Variants in SMCHD1 observed in about 807,000 individuals in gnomAD.
SMCHD1 encodes structural maintenance of chromosomes flexible hinge domain containing 1, also known as structural maintenance of chromosomes flexible hinge domain-containing protein 1.
SMCHD1 carries 78 observed loss-of-function variants against 254.7 expected under a neutral mutation model. That is an observed-to-expected ratio of 0.31 (90% CI 0.26 to 0.37). SMCHD1 has a LOEUF of 0.37. Ranked by LOEUF, SMCHD1 falls within the 10% of genes least tolerant of loss-of-function variation. SMCHD1 has a pLI of 1.00. For synonymous variants in SMCHD1, 766 were observed against 794.9 expected (o/e 0.96, Z 0.61); for missense variants, 1,840 against 2,408.1 (o/e 0.76, Z 4.94).
chr18:2,769,757 C>T lies in SMCHD1; in HGVS notation c.4783C>T (p.Pro1595Ser), dbSNP rs369179110. ...TACTGAATATTTTATTGTATTTGAG[C>T]CCCGGCTACCACTTTTATCAAGAAC... Reference protein sequence around the residue: ...DSTEYFIVFEPRLPLLSRTLE... With the variant: ...DSTEYFIVFESRLPLLSRTLE... Residue 1595 changes from proline to serine, a missense_variant, in exon 38 of 48, where the codon CCC becomes TCC. By Grantham distance (74) the Pro-to-Ser change is moderately conservative. Coordinates refer to ENST00000320876, the MANE Select transcript of SMCHD1 (RefSeq NM_015295.3). 6.2e-7 allele frequency: 1 copy of T among 1,603,014 alleles called. No homozygotes were observed. Among genetic ancestry groups the T allele is most frequent in the Non-Finnish European group, 8.5e-7 (1 of 1,173,662 alleles).
chr18:2,770,691 A>AG (rs1475325226), intron 39 of SMCHD1, among the ~76,000 whole-genome samples: 1 of 151,756 alleles, frequency 6.6e-6, no homozygotes, highest in Non-Finnish European at 1.5e-5. Flanking sequence ...GCACGATCTC[A>AG]CTCACTGCAC....
intron 1 of SMCHD1, among the ~76,000 whole-genome samples, chr18:2,662,411 C>T (rs995970304): frequency 1.3e-5 from 2 of 151,382 alleles, no homozygotes; most frequent in African/African-American, 4.8e-5. Flanking sequence ...TTTGGGAGGC[C>T]AAGGCAGGGA....
chr18:2,674,003 T>A lies in SMCHD1; in HGVS notation c.508-12T>A. On this transcript the variant is annotated splice_polypyrimidine_tract_variant and intron_variant, in intron 4 of 47. Coordinates refer to ENST00000320876, the MANE Select transcript of SMCHD1 (RefSeq NM_015295.3). ...ACTTTTCCTGTCTTTTTGAACTTAT[T>A]TTGTTTCATAGCTTTTTGATGAAAC... The A allele has an allele frequency of 6.4e-7, 1 of 1,565,970 alleles. No individual in the cohort carries two copies. The highest frequency in any genetic ancestry group is 8.6e-7 in the Non-Finnish European group (1 of 1,157,448).
intron 25 of SMCHD1, among the ~76,000 whole-genome samples, chr18:2,735,489 G>A (rs2075231564): frequency 6.6e-6 from 1 of 152,184 alleles, no homozygotes; most frequent in Non-Finnish European, 1.5e-5. Context: ...AAGTCAAACT[G>A]TCTCATCATT....
At chr18:2,663,301 G>A (rs1194476928) in intron 1 of SMCHD1, among the ~76,000 whole-genome samples, 1 of 151,430 alleles carries the variant, frequency 6.6e-6, no homozygotes, top group African/African-American at 2.4e-5. Flanking sequence ...TTGTAGAGAT[G>A]GGGTTTTACC....
intron 34 of SMCHD1, among the ~76,000 whole-genome samples, chr18:2,755,819 G>A (rs745494865): frequency 1.9e-4 from 28 of 150,314 alleles, no homozygotes; most frequent in Admixed American, 4.0e-4. Context: ...CACCCGCCTT[G>A]GCCTCCCAAA....
intron 34 of SMCHD1, among the ~76,000 whole-genome samples, chr18:2,757,923 A>G (rs1364585512): frequency 6.6e-6 from 1 of 152,058 alleles, no homozygotes; most frequent in Non-Finnish European, 1.5e-5. Flanking sequence ...TTTTATTATT[A>G]TGAAGTATTC....
At chr18:2,670,669 G>A (rs1473597127) in intron 3 of SMCHD1, among the ~76,000 whole-genome samples, 4 of 152,010 alleles carry the variant, frequency 2.6e-5, no homozygotes, top group Non-Finnish European at 5.9e-5. Flanking sequence ...GGGAAGCCCC[G>A]GCGGGCAGAT....
intron 37 of SMCHD1, among the ~76,000 whole-genome samples, chr18:2,769,457 C>A (rs1350669837): frequency 1.3e-5 from 2 of 152,092 alleles, no homozygotes; most frequent in East Asian, 3.9e-4. Flanking sequence ...TTCACATAAG[C>A]TGTTTATTGA....
chr18:2,735,975 A>G (rs952292247), intron 25 of SMCHD1, among the ~76,000 whole-genome samples: 8 of 152,178 alleles, frequency 5.3e-5, no homozygotes, highest in African/African-American at 1.9e-4. Context: ...AAAATAACAA[A>G]ATGAGAGGCA....
At chr18:2,777,075 C>T (rs138096880) in intron 42 of SMCHD1, among the ~76,000 whole-genome samples, 2,664 of 144,282 alleles carry the variant, frequency 0.018, 41 homozygotes, top group Middle Eastern at 0.11. Flanking sequence ...CCCCCCCATA[C>T]CCTAATACTT....
At chr18:2,762,315 A>G (rs567417522) in intron 36 of SMCHD1, 79 bp downstream of exon 36, 40 of 1,395,692 alleles carry the variant, frequency 2.9e-5, no homozygotes, top group Admixed American at 2.3e-4. Context: ...AATTATTTGT[A>G]TGGATTCTGT....
Position 2,688,511 on chromosome 18 carries a change from A to G in SMCHD1, c.753+3A>G, listed in dbSNP as rs1244743273. 2.5e-6 allele frequency: 4 copies of G among 1,608,408 alleles called. No individual in the cohort carries two copies. Among genetic ancestry groups the G allele is most frequent in the East Asian group, 4.5e-5 (2 of 44,866 alleles). ...TCTTTGTTGGACAATCAGCCAGAGT[A>G]AGTAAAAAGATTTCTTATAAATGAA... On this transcript the variant is annotated splice_donor_region_variant and intron_variant, in intron 6 of 47. Transcript: ENST00000320876.
chr18:2,692,940 C>T (rs1364800493), intron 7 of SMCHD1, among the ~76,000 whole-genome samples: 5 of 152,124 alleles, frequency 3.3e-5, no homozygotes, highest in Non-Finnish European at 5.9e-5. Flanking sequence ...GAATTTGCAT[C>T]GTTAGTAAAT....
intron 44 of SMCHD1, among the ~76,000 whole-genome samples, chr18:2,784,195 T>A (rs1434887332): frequency 6.6e-6 from 1 of 152,218 alleles, no homozygotes; most frequent in Non-Finnish European, 1.5e-5. Flanking sequence ...CTTCCACTTA[T>A]CAATCCATCA....
chr18:2,727,463 A>T (rs1403325019), intron 22 of SMCHD1, among the ~76,000 whole-genome samples: 1 of 152,118 alleles, frequency 6.6e-6, no homozygotes, highest in Non-Finnish European at 1.5e-5. Flanking sequence ...ATCAACAAAC[A>T]TTCATTTATT....
chr18:2,698,881 GTC>G (rs2074340292), intron 10 of SMCHD1, among the ~76,000 whole-genome samples: 2 of 151,772 alleles, frequency 1.3e-5, no homozygotes, highest in African/African-American at 4.8e-5. Flanking sequence ...TAATGATACT[GTC>G]TTGTAGCTTT....
chr18:2,728,375 T>C, intron 22 of SMCHD1, 82 bp from the exon 23 acceptor site: 1 of 1,314,870 alleles, frequency 7.6e-7, no homozygotes, highest in Admixed American at 2.4e-5. Flanking sequence ...AAGTCTTTAA[T>C]GTTAAAGTTA....
Position 2,751,305 on chromosome 18 carries a change from A to T in SMCHD1, c.4193A>T (p.Asp1398Val). The T allele has an allele frequency of 6.4e-7, 1 of 1,573,474 alleles. No individual in the cohort carries two copies. The highest frequency in any genetic ancestry group is 8.6e-7 in the Non-Finnish European group (1 of 1,163,880). ...TDFMISVISE[D>V]DSIIKNINPA... ...TTTATGATTAGTGTTATTTCTGAAG[A>T]TGACAGTATCATTAAAAACATTAAT... The change falls in exon 33 of 48, where the codon GAT (aspartate) becomes GTT (valine). Residue 1398 changes from aspartate (D) to valine (V), a missense_variant. Around this residue, in one of 9 missense-constraint regions of SMCHD1, gnomAD observed 881 missense variants for 1,009.5 expected, o/e 0.87. Transcript: ENST00000320876.
Sources: gnomAD v4.1 joint callset for allele counts (sites outside exome capture counted in the v4.1 genomes callset) on GRCh38, gnomAD v4.1.1 for gene constraint, gnomAD v4.1.1 regional missense constraint, MANE v1.5 for transcripts, NCBI Gene and HGNC (gene_info 2026-07-23, HGNC 2026-07-21) for gene names.